Variants in EYS observed in about 807,000 individuals in gnomAD.
EYS encodes the protein protein eyes shut homolog.
EYS carries 250 observed loss-of-function variants against 282.1 expected under a neutral mutation model. The observed-to-expected ratio is 0.89, with a 90% confidence interval of 0.80 to 0.98. EYS has a LOEUF of 0.98. Among genes scored for constraint, EYS ranks in the 50% least tolerant of loss-of-function variants. EYS has a pLI of 0.00. For synonymous variants in EYS, 1,355 were observed against 1,282.9 expected (o/e 1.06, Z -1.20); for missense variants, 4,016 against 3,709.0 (o/e 1.08, Z -2.15).
intron 12 of EYS, among the ~76,000 whole-genome samples, chr6:65,258,451 T>C (rs924301061): frequency 6.6e-6 from 1 of 152,058 alleles, no homozygotes; most frequent in African/African-American, 2.4e-5. Flanking sequence ...GTATTTAACA[T>C]TTGTATATTC....
At chr6:65,204,881 C>A (rs369138262) in intron 12 of EYS, among the ~76,000 whole-genome samples, 2 of 139,348 alleles carry the variant, frequency 1.4e-5, no homozygotes, top group African/African-American at 2.6e-5. Context: ...TCTGGAAGAA[C>A]GTATTTATAT....
intron 29 of EYS, among the ~76,000 whole-genome samples, chr6:64,384,765 A>G (rs1383963829): frequency 6.6e-6 from 1 of 152,194 alleles, no homozygotes; most frequent in African/African-American, 2.4e-5. Flanking sequence ...TATGGTCATC[A>G]GGGGAAGCAG....
Position 65,521,536 on chromosome 6 carries a change from C to A in EYS, c.-332-25543G>T, listed in dbSNP as rs568706233. Among the ~76,000 whole-genome samples the A allele has an allele frequency of 2.2e-3, 336 of 152,140 alleles. 1 individual carries two copies. The highest frequency in any genetic ancestry group is 7.7e-3 in the African/African-American group (320 of 41,518). ...CCAATAATCAGGTTTTGTTAAAAAA[C>A]CCCTCTATCCCATATCTTAGTCTAA... On this transcript the variant is annotated intron_variant, in intron 2 of 42. Transcript: ENST00000503581.
At chr6:64,535,702 T>A (rs187817093) in intron 26 of EYS, among the ~76,000 whole-genome samples, 1 of 152,108 alleles carries the variant, frequency 6.6e-6, no homozygotes, top group East Asian at 1.9e-4. Flanking sequence ...TTGTGCCCGC[T>A]GCTCTTCAGC....
chr6:65,242,787 T>C (rs1357887846), intron 12 of EYS, among the ~76,000 whole-genome samples: 2 of 152,136 alleles, frequency 1.3e-5, no homozygotes, highest in African/African-American at 4.8e-5. Context: ...AATTATTGTC[T>C]ATATTTTTAT....
intron 33 of EYS, among the ~76,000 whole-genome samples, chr6:64,027,403 C>T (rs1769576002): frequency 6.6e-6 from 1 of 152,142 alleles, no homozygotes; most frequent in African/African-American, 2.4e-5. Context: ...GTTTATTACC[C>T]AATCAGCCAC....
intron 12 of EYS, among the ~76,000 whole-genome samples, chr6:65,146,758 T>C (rs1274984065): frequency 2.0e-5 from 3 of 152,032 alleles, no homozygotes; most frequent in Non-Finnish European, 2.9e-5. Context: ...GAGATTTGTC[T>C]CAAGGGTAAG....
At chr6:64,558,143 G>C (rs771041392) in intron 26 of EYS, among the ~76,000 whole-genome samples, 1 of 151,994 alleles carries the variant, frequency 6.6e-6, no homozygotes, top group Non-Finnish European at 1.5e-5. Context: ...ATTGTACATT[G>C]GTTGAATAAA....
chr6:65,038,788 T>G lies in EYS; in HGVS notation c.2137+18826A>C, dbSNP rs919697168. Among the ~76,000 whole-genome samples the G allele has an allele frequency of 7.3e-5, 11 of 151,416 alleles. No homozygotes were observed. In the Admixed American group the frequency reaches 7.3e-4, roughly 10 times the overall value. ...TAGTCTCTGGAGGAGTATTCACTTT[T>G]GGTTAGTTTTACATTTTTCTGATGA... On this transcript the variant is annotated intron_variant, in intron 13 of 42. Transcript: ENST00000503581.
intron 12 of EYS, among the ~76,000 whole-genome samples, chr6:65,290,813 C>T (rs9445503): frequency 6.6e-6 from 1 of 151,142 alleles, no homozygotes; most frequent in Non-Finnish European, 1.5e-5. Flanking sequence ...TATTACTTCC[C>T]CTTCTATTTC....
intron 8 of EYS, among the ~76,000 whole-genome samples, chr6:65,363,782 T>G (rs1764808004): frequency 6.6e-6 from 1 of 151,842 alleles, no homozygotes; most frequent in South Asian, 2.1e-4. Context: ...TGTCACATAT[T>G]TTTTCCAATT....
chr6:65,279,968 G>A (rs1337435967), intron 12 of EYS, among the ~76,000 whole-genome samples: 2 of 152,132 alleles, frequency 1.3e-5, no homozygotes, highest in African/African-American at 4.8e-5. Flanking sequence ...CCTCAGGAAA[G>A]GAGGCTTTCC....
chr6:64,209,012 C>T (rs1028339155), intron 31 of EYS, among the ~76,000 whole-genome samples: 1 of 152,000 alleles, frequency 6.6e-6, no homozygotes, highest in Non-Finnish European at 1.5e-5. Flanking sequence ...ATTTCTTCTT[C>T]ATTTTACTAT....
chr6:65,333,444 T>C (rs1326493066), intron 11 of EYS, among the ~76,000 whole-genome samples: 4 of 151,708 alleles, frequency 2.6e-5, no homozygotes, highest in Admixed American at 1.3e-4. Context: ...GCTTGCTTTA[T>C]AGCATAGCGT....
intron 5 of EYS, among the ~76,000 whole-genome samples, chr6:65,442,906 AC>A (rs1246985396): frequency 7.4e-6 from 1 of 134,316 alleles, no homozygotes; most frequent in African/African-American, 2.5e-5. Context: ...ATGTATATAT[AC>A]ATGCACATAC....
chr6:64,981,015 A>G (rs1583355448), intron 14 of EYS, among the ~76,000 whole-genome samples: 1 of 151,450 alleles, frequency 6.6e-6, no homozygotes, highest in African/African-American at 2.4e-5. Flanking sequence ...CTGTAATTCA[A>G]TCATAAAATT....
intron 26 of EYS, among the ~76,000 whole-genome samples, chr6:64,455,638 T>C (rs2150481056): frequency 6.6e-6 from 1 of 152,204 alleles, no homozygotes; most frequent in Admixed American, 6.6e-5. Context: ...TGGTGTGTGA[T>C]ATTCCCTTCC....
At chr6:64,818,959 C>T (rs1554206661) in intron 21 of EYS, among the ~76,000 whole-genome samples, 2 of 152,146 alleles carry the variant, frequency 1.3e-5, no homozygotes, top group Non-Finnish European at 2.9e-5. Flanking sequence ...TGCTGCCCAT[C>T]CAGCCCTAAC....
chr6:65,466,281 T>A (rs1253098610), intron 5 of EYS, among the ~76,000 whole-genome samples: 1 of 152,090 alleles, frequency 6.6e-6, no homozygotes, highest in Non-Finnish European at 1.5e-5. Context: ...TATATACTGT[T>A]TTTATTAAGG....
Sources: allele counts gnomAD v4.1 joint callset (sites outside exome capture counted in the v4.1 genomes callset), GRCh38; gene constraint gnomAD v4.1.1; transcripts MANE v1.5; gene names NCBI Gene and HGNC (gene_info 2026-07-23, HGNC 2026-07-21).